Variants in CENPQ observed in about 807,000 individuals in gnomAD.
CENPQ encodes the protein centromere protein Q, also known as chromosome 6 open reading frame 139.
In CENPQ, 27 loss-of-function variants were observed where a neutral mutation model predicts 36.6. That is an observed-to-expected ratio of 0.74 (90% CI 0.54 to 1.02). The LOEUF is 1.02. CENPQ is among the 50% of genes least tolerant of loss of function. CENPQ has a pLI of 0.00. For missense variants in CENPQ, 306 were observed against 301.8 expected, an observed-to-expected ratio of 1.01 and a Z score of -0.10; for synonymous variants, 101 against 101.7, an observed-to-expected ratio of 0.99 and a Z score of 0.04.
intron 5 of CENPQ, 47 bp from the exon 6 acceptor site, chr6:49,480,904 T>C (rs1768410553): frequency 7.4e-7 from 1 of 1,359,394 alleles, no homozygotes. Context: ...AAAATAATAA[T>C]AGTACTCAAA....
rs541561117 is a variant in CENPQ, at chr6:49,483,537, G to A, written c.477+2457G>A. On this transcript the variant is annotated intron_variant, in intron 6 of 8. Transcript: ENST00000335783. The stretch of plus-strand genomic sequence containing the variant: ...CTGAGGGGGGAGGCTCAGGCATGTC[G>A]GGCTGCAGGTCCCAAGCCCTGCCCC... Among the ~76,000 whole-genome samples the A allele has an allele frequency of 3.6e-3, 553 of 152,292 alleles. 1 individual carries two copies. Among genetic ancestry groups the A allele is most frequent in the African/African-American group, 0.013 (524 of 41,576 alleles).
chr6:49,491,130 G>T (rs556931514), intron 8 of CENPQ, among the ~76,000 whole-genome samples: 1 of 152,252 alleles, frequency 6.6e-6, no homozygotes, highest in South Asian at 2.1e-4. Flanking sequence ...AGGCATCCTG[G>T]TATATCATAG....
intron 1 of CENPQ, among the ~76,000 whole-genome samples, chr6:49,464,399 A>G (rs1427254385): frequency 6.6e-6 from 1 of 152,200 alleles, no homozygotes; most frequent in Non-Finnish European, 1.5e-5. Flanking sequence ...GCTGTTGACC[A>G]ATCAGGGTGA....
chr6:49,486,390 G>T (rs1011715868), intron 6 of CENPQ, among the ~76,000 whole-genome samples: 2 of 152,138 alleles, frequency 1.3e-5, no homozygotes, highest in Admixed American at 6.5e-5. Flanking sequence ...ATTTATGTTG[G>T]ACAGCATTCT....
intron 4 of CENPQ, 139 bp from the exon 5 acceptor site, chr6:49,472,651 T>A: frequency 1.7e-6 from 1 of 573,590 alleles, no homozygotes; most frequent in Non-Finnish European, 2.6e-6. Flanking sequence ...TTAAAGTGTC[T>A]TTAATATGAA....
chr6:49,478,683 T>C lies in CENPQ; in HGVS notation c.348-2268T>C, dbSNP rs116702604. ...GCTGAGCTTAGGTGATATACACCTA[T>C]TCTTGGCGTGATTTTGTGACAAGAG... On this transcript the variant is annotated intron_variant, in intron 5 of 8. Transcript: ENST00000335783. Among the ~76,000 whole-genome samples the C allele has an allele frequency of 5.2e-3, 798 of 152,284 alleles. 10 individuals are homozygous for C. Among genetic ancestry groups the C allele is most frequent in the African/African-American group, 0.018 (746 of 41,564 alleles).
Position 49,492,259 on chromosome 6 carries a change from A to C in CENPQ, c.791A>C (p.Lys264Thr), listed in dbSNP as rs1446848323. 6.3e-7 allele frequency: 1 copy of C among 1,590,766 alleles called. No homozygotes were observed. Residue 264 changes from lysine to threonine, a missense_variant, in exon 9 of 9, where the codon AAA becomes ACA. Physicochemically the swap from Lys to Thr is moderately conservative, Grantham distance 78. Transcript: ENST00000335783. ...ACCTTCATTGAAGAAGCCTATAAGA[A>C]ACTGGATGCATCTTAAAGAGTGTTT... Reference protein sequence around the residue: ...MSTFIEEAYKKLDAS With the variant: ...MSTFIEEAYKTLDAS
chr6:49,492,365 A>T lies in CENPQ; in HGVS notation c.*90A>T. 9.1e-7 allele frequency: 1 copy of T among 1,100,188 alleles called. No homozygotes were observed. 68.2% of individuals were successfully genotyped at this position (1,100,188 alleles called of 1,614,324 possible). Reference sequence around the variant, plus strand: ...CCTATGATTATATGTACAGAGGCTAAGGCTTCTGCAGGATTTATTATCTCC... The same window carrying T: ...CCTATGATTATATGTACAGAGGCTATGGCTTCTGCAGGATTTATTATCTCC... On this transcript the variant is annotated 3_prime_UTR_variant, in exon 9 of 9. Coordinates refer to ENST00000335783, the MANE Select transcript of CENPQ (RefSeq NM_018132.4).
At chr6:49,471,768 T>A (rs1421556825) in intron 3 of CENPQ, among the ~76,000 whole-genome samples, 1 of 152,170 alleles carries the variant, frequency 6.6e-6, no homozygotes, top group East Asian at 1.9e-4. Context: ...TTTAAAGAAT[T>A]TAGGCCATTT....
At chr6:49,474,197 C>G (rs1768217121) in intron 5 of CENPQ, among the ~76,000 whole-genome samples, 5 of 152,078 alleles carry the variant, frequency 3.3e-5, no homozygotes, top group Admixed American at 3.3e-4. Flanking sequence ...CTCTCCACCC[C>G]AATCAACAGA....
At chr6:49,474,744 C>A (rs756734999) in intron 5 of CENPQ, among the ~76,000 whole-genome samples, 3 of 151,926 alleles carry the variant, frequency 2.0e-5, no homozygotes, top group Non-Finnish European at 4.4e-5. Flanking sequence ...AAAAGATCAA[C>A]AAAATTGATA....
chr6:49,488,840 GTAGTC>G (rs138707302), intron 8 of CENPQ, among the ~76,000 whole-genome samples, 156 bp downstream of exon 8: 2,217 of 151,496 alleles, frequency 0.015, 67 homozygotes, highest in African/African-American at 0.051. Flanking sequence ...ACGCTATACT[GTAGTC>G]TAGTAAGTGT....
intron 6 of CENPQ, among the ~76,000 whole-genome samples, chr6:49,488,036 G>A (rs1300135568): frequency 6.6e-6 from 1 of 152,050 alleles, no homozygotes; most frequent in Non-Finnish European, 1.5e-5. Flanking sequence ...ATCAGTTCTG[G>A]GCTCTGCTAG....
intron 1 of CENPQ, among the ~76,000 whole-genome samples, chr6:49,469,198 C>T (rs1202292995): frequency 6.6e-6 from 1 of 152,102 alleles, no homozygotes; most frequent in Non-Finnish European, 1.5e-5. Context: ...ATAGATTTAT[C>T]ATTGTCTTTC....
intron 5 of CENPQ, among the ~76,000 whole-genome samples, chr6:49,473,988 C>T (rs148546233): frequency 0.019 from 2,879 of 152,188 alleles, 99 homozygotes; most frequent in African/African-American, 0.066. Context: ...CATATATGCA[C>T]CTAATACAGG....
At chr6:49,475,184 A>C (rs1307883941) in intron 5 of CENPQ, among the ~76,000 whole-genome samples, 2 of 152,226 alleles carry the variant, frequency 1.3e-5, no homozygotes, top group Non-Finnish European at 2.9e-5. Flanking sequence ...AATCCTCAAT[A>C]AAATACTGGC....
chr6:49,464,099 T>C (rs1008978118), intron 1 of CENPQ, among the ~76,000 whole-genome samples: 1 of 152,218 alleles, frequency 6.6e-6, no homozygotes, highest in Non-Finnish European at 1.5e-5. Flanking sequence ...CAAAATGTTA[T>C]TAGAATAATA....
chr6:49,485,272 C>T (rs1273726222), intron 6 of CENPQ, among the ~76,000 whole-genome samples: 1 of 152,140 alleles, frequency 6.6e-6, no homozygotes, highest in Non-Finnish European at 1.5e-5. Flanking sequence ...AAATTTTATT[C>T]ATTTAACATT....
In CENPQ at chr6:49,487,667, T is replaced by A. The variant is rs142903278; in HGVS notation, c.478-685T>A. 1.4e-3 allele frequency among the ~76,000 whole-genome samples: 212 copies of A among 152,274 alleles called. 1 individual carries two copies. Among genetic ancestry groups the A allele is most frequent in the African/African-American group, 4.9e-3 (203 of 41,566 alleles). ...ATACAGGCAATGTTATCATTGACTG[T>A]TGCTAGGACCATATTTGAAAGCAGT... On this transcript the variant is annotated intron_variant, in intron 6 of 8. Coordinates refer to ENST00000335783, the MANE Select transcript of CENPQ (RefSeq NM_018132.4).
Sources: allele counts gnomAD v4.1 joint callset (sites outside exome capture counted in the v4.1 genomes callset), GRCh38; gene constraint gnomAD v4.1.1; transcripts MANE v1.5; gene names NCBI Gene and HGNC (gene_info 2026-07-23, HGNC 2026-07-21).